The following POU6F2 variants were observed in gnomAD, a reference collection of about 807,000 sequenced individuals.
POU6F2 encodes POU domain, class 6, transcription factor 2.
Under a neutral mutation model 71.3 loss-of-function variants are expected in POU6F2, and 31 were observed. The observed-to-expected ratio is 0.43, with a 90% CI of 0.33 to 0.59. The LOEUF is 0.59. Ranked by LOEUF, POU6F2 falls within the 20% of genes least tolerant of loss-of-function variation. The pLI is 0.04. For synonymous variants in POU6F2, 347 were observed against 355.7 expected (o/e 0.98, Z 0.27); for missense variants, 783 against 856.8 (o/e 0.91, Z 1.07).
In POU6F2 at chr7:39,451,538, C is replaced by A; in HGVS notation, c.1326C>A (p.His442Gln). The A allele has an allele frequency of 6.2e-7, 1 of 1,612,614 alleles. No individual in the cohort carries two copies. The highest frequency in any genetic ancestry group is 1.7e-5 in the Admixed American group (1 of 59,940). ...TTTTACATCCCCTCATGTAGCTCCA[C>A]CAACCCTCCCAGACGTCAGTGGGTC... ...LSPIKPGQQL[H>Q]QPSQTSVGQA... The change falls in exon 8 of 10, where the codon CAC becomes CAA. Residue 442 changes from histidine to glutamine, a missense_variant. By Grantham distance (24) the His-to-Gln change is conservative. This residue lies in a region of POU6F2 where 572 missense variants were observed against 572.9 expected (regional missense o/e 1.00). Transcript: ENST00000518318.
intron 6 of POU6F2, among the ~76,000 whole-genome samples, chr7:39,426,996 A>G (rs543480497): frequency 1.1e-4 from 17 of 152,354 alleles, no homozygotes; most frequent in African/African-American, 3.6e-4. Flanking sequence ...ATATTTCATA[A>G]TAAGTTATTA....
chr7:39,262,479 T>A (rs971835256), intron 4 of POU6F2, among the ~76,000 whole-genome samples: 6 of 152,248 alleles, frequency 3.9e-5, no homozygotes, highest in African/African-American at 1.4e-4. Flanking sequence ...TGGATCACTG[T>A]TCAACTCTTC....
chr7:39,262,167 T>C (rs1231751371), intron 4 of POU6F2, among the ~76,000 whole-genome samples: 1 of 152,204 alleles, frequency 6.6e-6, no homozygotes, highest in Admixed American at 6.5e-5. Flanking sequence ...ATCATTATGC[T>C]GAAACAGTGG....
At chr7:38,981,590 T>TGA (rs535211328) in intron 1 of POU6F2, among the ~76,000 whole-genome samples, 2 of 151,982 alleles carry the variant, frequency 1.3e-5, no homozygotes, top group Non-Finnish European at 2.9e-5. Flanking sequence ...TTGCTGGGAG[T>TGA]GAGAGAGAGA....
chr7:39,343,658 G>C (rs1190137418), intron 5 of POU6F2, among the ~76,000 whole-genome samples: 1 of 152,126 alleles, frequency 6.6e-6, no homozygotes, highest in African/African-American at 2.4e-5. Context: ...TCATGGTGTA[G>C]GTGGAAGAGG....
At chr7:39,255,294 A>G (rs543879148) in intron 4 of POU6F2, among the ~76,000 whole-genome samples, 42 of 152,336 alleles carry the variant, frequency 2.8e-4, no homozygotes, top group African/African-American at 9.9e-4. Flanking sequence ...GGTCACAGCT[A>G]TTATATTAGA....
At chr7:39,104,842 T>C (rs1584544403) in intron 2 of POU6F2, among the ~76,000 whole-genome samples, 1 of 152,400 alleles carries the variant, frequency 6.6e-6, no homozygotes, top group Middle Eastern at 3.4e-3. Context: ...GACCGTGTCT[T>C]CTTATTAGTG....
chr7:39,459,480 TTTG>T (rs1788892067), intron 8 of POU6F2, among the ~76,000 whole-genome samples: 1 of 152,012 alleles, frequency 6.6e-6, no homozygotes, highest in Non-Finnish European at 1.5e-5. Context: ...TTTGTTTTGT[TTTG>T]TTTTGTTTTG....
intron 1 of POU6F2, among the ~76,000 whole-genome samples, chr7:38,999,327 C>T (rs1487129820): frequency 1.3e-5 from 2 of 152,094 alleles, no homozygotes; most frequent in Non-Finnish European, 2.9e-5. Context: ...ACATAGTAGG[C>T]ACTCAATAAA....
At chr7:39,321,910 G>A (rs1394005214) in intron 4 of POU6F2, among the ~76,000 whole-genome samples, 3 of 151,706 alleles carry the variant, frequency 2.0e-5, no homozygotes, top group Non-Finnish European at 2.9e-5. Flanking sequence ...GAGAGACAGA[G>A]AGAGAGATAG....
chr7:39,126,425 A>G (rs1370844892), intron 2 of POU6F2, among the ~76,000 whole-genome samples: 2 of 152,204 alleles, frequency 1.3e-5, no homozygotes, highest in Non-Finnish European at 2.9e-5. Flanking sequence ...TCTGGTGTCT[A>G]GTCTTGACTG....
intron 5 of POU6F2, among the ~76,000 whole-genome samples, chr7:39,382,397 A>G (rs1482166593): frequency 1.3e-5 from 2 of 152,184 alleles, no homozygotes; most frequent in African/African-American, 4.8e-5. Context: ...ACAGAGACTC[A>G]GACCTGGGCC....
At chr7:39,449,777 A>T (rs1227656205) in intron 7 of POU6F2, among the ~76,000 whole-genome samples, 4 of 152,102 alleles carry the variant, frequency 2.6e-5, no homozygotes, top group African/African-American at 7.2e-5. Context: ...TTCAGCAATT[A>T]AAAAAAACTG....
chr7:39,269,832 C>T (rs1165430198), intron 4 of POU6F2, among the ~76,000 whole-genome samples: 1 of 152,070 alleles, frequency 6.6e-6, no homozygotes, highest in African/African-American at 2.4e-5. Flanking sequence ...TAATCATGGG[C>T]CATATTGACT....
At chr7:39,175,081 G>T (rs1793302269) in intron 2 of POU6F2, among the ~76,000 whole-genome samples, 1 of 152,128 alleles carries the variant, frequency 6.6e-6, no homozygotes, top group African/African-American at 2.4e-5. Flanking sequence ...ATGTGTGTGT[G>T]TGTGTTCACC....
rs73365574 is a variant in POU6F2, at chr7:39,171,869, T to G, written c.278-32366T>G. ...AAGAGAGACTTCTGTATATTTAACT[T>G]ACATCTTTCATGCTCAACAGTTTCA... is the stretch of plus-strand genomic sequence containing the variant. On this transcript the variant is annotated intron_variant, in intron 2 of 9. Coordinates refer to ENST00000518318, the MANE Select transcript of POU6F2 (RefSeq NM_001370959.1). 8.3e-3 allele frequency among the ~76,000 whole-genome samples: 1,259 copies of G among 152,336 alleles called. 14 individuals are homozygous for G. The highest frequency in any genetic ancestry group is 0.029 in the African/African-American group (1,211 of 41,566).
chr7:39,369,768 C>T (rs1583555731), intron 5 of POU6F2, among the ~76,000 whole-genome samples: 1 of 151,990 alleles, frequency 6.6e-6, no homozygotes, highest in South Asian at 2.1e-4. Flanking sequence ...ACTACAGCCT[C>T]GACCTCCCAG....
chr7:39,405,335 A>AAG (rs903786250), intron 5 of POU6F2, among the ~76,000 whole-genome samples: 2 of 152,190 alleles, frequency 1.3e-5, no homozygotes, highest in South Asian at 2.1e-4. Flanking sequence ...GAAGAAGGAA[A>AAG]AGAGAGAGAG....
intron 1 of POU6F2, chr7:39,006,785 T>A: frequency 2.0e-6 from 3 of 1,515,460 alleles, no homozygotes; most frequent in Non-Finnish European, 2.8e-6. Context: ...TGTGTTACCC[T>A]GTTTGCTGTT....
Sources: allele counts gnomAD v4.1 joint callset (sites outside exome capture counted in the v4.1 genomes callset), GRCh38; gene constraint gnomAD v4.1.1; regional missense constraint gnomAD v4.1.1; transcripts MANE v1.5; gene names NCBI Gene and HGNC (gene_info 2026-07-23, HGNC 2026-07-21).